Variants in SCNN1B observed in about 807,000 individuals in gnomAD.
SCNN1B encodes the protein sodium channel epithelial 1 subunit beta, also known as epithelial sodium channel subunit beta.
A neutral mutation model predicts 65.3 loss-of-function variants in SCNN1B; 46 were observed. The ratio of observed to expected loss-of-function variants is 0.70; its 90% CI spans 0.56 to 0.90. The LOEUF is 0.90. Among genes scored for constraint, SCNN1B ranks in the 40% least tolerant of loss-of-function variants. SCNN1B has a pLI of 0.00. For missense variants in SCNN1B, 751 were observed against 830.5 expected (o/e 0.90, Z 1.18); for synonymous variants, 349 against 330.6 (o/e 1.06, Z -0.60).
intron 1 of SCNN1B, among the ~76,000 whole-genome samples, chr16:23,343,636 AAAGAAAGAAAG>A (rs1962121794): frequency 1.5e-5 from 2 of 134,636 alleles, no homozygotes; most frequent in Non-Finnish European, 3.2e-5. Flanking sequence ...AGAAAGAAAG[AAAGAAAGAAAG>A]AAAAAAAGAA....
At chr16:23,325,640 G>A (rs1260780849) in intron 1 of SCNN1B, among the ~76,000 whole-genome samples, 2 of 151,960 alleles carry the variant, frequency 1.3e-5, no homozygotes, top group South Asian at 2.1e-4. Context: ...CAGAATGCAA[G>A]TTGAAATGCG....
At chr16:23,347,491 T>C (rs900879621) in intron 1 of SCNN1B, among the ~76,000 whole-genome samples, 2 of 152,234 alleles carry the variant, frequency 1.3e-5, no homozygotes, top group African/African-American at 4.8e-5. Flanking sequence ...CTAATTGATA[T>C]CAACAAGAGT....
upstream of SCNN1B, among the ~76,000 whole-genome samples, chr16:23,301,197 C>T (rs1567288287): frequency 2.0e-5 from 3 of 151,754 alleles, no homozygotes; most frequent in Non-Finnish European, 2.9e-5. Context: ...AAACCCATCT[C>T]TACAAAAAAC....
intron 1 of SCNN1B, among the ~76,000 whole-genome samples, chr16:23,340,816 T>C (rs113760566): frequency 6.6e-6 from 1 of 152,350 alleles, no homozygotes; most frequent in African/African-American, 2.4e-5. Flanking sequence ...TAAATGCAAC[T>C]TACAGTAAGT....
chr16:23,337,825 G>A (rs1961975769), intron 1 of SCNN1B, among the ~76,000 whole-genome samples: 1 of 152,024 alleles, frequency 6.6e-6, no homozygotes, highest in African/African-American at 2.4e-5. Flanking sequence ...CCAGCACTTT[G>A]GGAAGCCAAA....
intron 1 of SCNN1B, among the ~76,000 whole-genome samples, chr16:23,331,325 CTT>C (rs112461468): frequency 6.4e-4 from 88 of 138,104 alleles, no homozygotes; most frequent in African/African-American, 1.6e-3. Flanking sequence ...TTCCTAGTCA[CTT>C]TTTTTTTTTT....
chr16:23,361,874 C>A (rs1962559848), intron 4 of SCNN1B, among the ~76,000 whole-genome samples: 1 of 151,882 alleles, frequency 6.6e-6, no homozygotes, highest in Admixed American at 6.6e-5. Flanking sequence ...CAATCGCGTG[C>A]CCGATTAATT....
chr16:23,312,141 T>C (rs112805186), intron 1 of SCNN1B, among the ~76,000 whole-genome samples: 4 of 152,254 alleles, frequency 2.6e-5, no homozygotes, highest in African/African-American at 9.6e-5. Flanking sequence ...TTCTTTCCTT[T>C]CTTTCATTTT....
chr16:23,321,049 TA>T (rs1384697676), intron 1 of SCNN1B, among the ~76,000 whole-genome samples: 1 of 152,160 alleles, frequency 6.6e-6, no homozygotes, highest in African/African-American at 2.4e-5. Flanking sequence ...GACTTTATTT[TA>T]TTTTATTTTT....
rs181933572 is a variant in SCNN1B, at chr16:23,365,398, G to A, written c.777-2458G>A. The stretch of plus-strand genomic sequence containing the variant: ...GAAGAAGGGAGGAAGGAAGGAAAAG[G>A]AAAGAAAAGAGAGAAAGAAAGAGAA... On this transcript the variant is annotated intron_variant, in intron 4 of 12. Transcript: ENST00000343070. Among the ~76,000 whole-genome samples the A allele has an allele frequency of 4.8e-3, 680 of 140,488 alleles. 5 individuals carry two copies. The highest frequency in any genetic ancestry group is 0.017 in the African/African-American group (656 of 37,540). The allele number at this position is 140,488 out of a possible 152,430, so 92.2% of individuals were successfully genotyped here.
chr16:23,364,036 G>A (rs896718403), intron 4 of SCNN1B, among the ~76,000 whole-genome samples: 65 of 149,050 alleles, frequency 4.4e-4, no homozygotes, highest in African/African-American at 1.6e-3. Context: ...GCGTGGTGGC[G>A]CATACCTGTA....
rs1963045591 is a variant in SCNN1B, at chr16:23,381,207, G to A, written c.*406G>A. ...GCCTTGGCTGGCCTCTGGGGCAGGG[G>A]TGGTGGAGAGATGGAAGGGCATCAG... On this transcript the variant is annotated 3_prime_UTR_variant, in exon 13 of 13. Transcript: ENST00000343070. 3.7e-6 allele frequency: 1 copy of A among 268,032 alleles called. No individual in the cohort carries two copies. Among genetic ancestry groups the A allele is most frequent in the Non-Finnish European group, 7.2e-6 (1 of 138,094 alleles). The allele number at this position is 268,032 out of a possible 1,614,324, so 16.6% of individuals were successfully genotyped here.
Position 23,348,270 on chromosome 16 carries a change from C to T in SCNN1B, c.-8-322C>T, listed in dbSNP as rs751040316. Among the ~76,000 whole-genome samples, 5 of 152,140 alleles carry T rather than the reference C, an allele frequency of 3.3e-5. No individual in the cohort carries two copies. Among genetic ancestry groups the T allele is most frequent in the Non-Finnish European group, 5.9e-5 (4 of 68,030 alleles). On this transcript the variant is annotated intron_variant, in intron 1 of 12. Coordinates refer to ENST00000343070, the MANE Select transcript of SCNN1B (RefSeq NM_000336.3). This position sits in a 1 kb window ranked among gnomAD's most constrained non-coding sequence, Gnocchi z 4.5. Reference sequence around the variant, plus strand: ...GAGAACCTGAGTTGAGAGTTTAAGTCACTTGTTCACTAGGTTATGAATTCC... The same window carrying T: ...GAGAACCTGAGTTGAGAGTTTAAGTTACTTGTTCACTAGGTTATGAATTCC...
intron 4 of SCNN1B, among the ~76,000 whole-genome samples, chr16:23,366,811 A>C (rs191313205): frequency 9.9e-5 from 15 of 152,226 alleles, no homozygotes; most frequent in Admixed American, 8.5e-4. Context: ...GGCATAAGCC[A>C]CCGCTCCCAA....
intron 1 of SCNN1B, among the ~76,000 whole-genome samples, chr16:23,319,476 GAA>G (rs58635249): frequency 0.071 from 10,452 of 147,460 alleles, 1,224 homozygotes; most frequent in African/African-American, 0.24. Context: ...TTACATGGTT[GAA>G]AAAAAAAAAT....
chr16:23,288,352 C>T (rs1409414501), intron 2 of SCNN1B, among the ~76,000 whole-genome samples: 1 of 152,138 alleles, frequency 6.6e-6, no homozygotes, highest in Non-Finnish European at 1.5e-5. Context: ...AAGTCAGTTC[C>T]CTAGTGTATT....
At chr16:23,336,189 T>C (rs1182837603) in intron 1 of SCNN1B, among the ~76,000 whole-genome samples, 1 of 152,166 alleles carries the variant, frequency 6.6e-6, no homozygotes, top group Non-Finnish European at 1.5e-5. Flanking sequence ...TCTGAGTCCC[T>C]CTGTGCTCTA....
At chr16:23,294,721 G>A (rs772721995) in intron 2 of SCNN1B, among the ~76,000 whole-genome samples, 2 of 152,036 alleles carry the variant, frequency 1.3e-5, no homozygotes, top group Admixed American at 1.3e-4. Flanking sequence ...AGCCAGGCAC[G>A]GTGGCTCATG....
rs13334704 is a variant in SCNN1B, at chr16:23,375,976, C to G, written c.1270+121C>G. 4.2e-6 allele frequency: 3 copies of G among 718,444 alleles called. No homozygotes were observed. The Admixed American group carries it at 6.1e-5, about 15-fold the overall frequency. 44.5% of individuals were successfully genotyped at this position (718,444 alleles called of 1,614,324 possible). On this transcript the variant is annotated intron_variant, in intron 8 of 12. Transcript: ENST00000343070. ...GTCCAGAGATGTGCCCAGGGTGGCT[C>G]CTCCACAGTCTGAGGTCCCTCCTAT...
Sources: gnomAD v4.1 joint callset for allele counts (sites outside exome capture counted in the v4.1 genomes callset) on GRCh38, gnomAD v4.1.1 for gene constraint, Gnocchi (gnomAD v3.1) non-coding constraint, MANE v1.5 for transcripts, NCBI Gene and HGNC (gene_info 2026-07-23, HGNC 2026-07-21) for gene names.